NOTCH4: variants seen among roughly 807,000 people sequenced by gnomAD.
NOTCH4 encodes the protein notch receptor 4.
In NOTCH4, 138 loss-of-function variants were observed where a neutral mutation model predicts 189.0. The observed-to-expected ratio is 0.73, with a 90% confidence interval of 0.64 to 0.84. The LOEUF is 0.84. Among genes scored for constraint, NOTCH4 ranks in the 40% least tolerant of loss-of-function variants. NOTCH4 has a pLI of 0.00. For missense variants in NOTCH4, 2,286 were observed against 2,605.4 expected (o/e 0.88, Z 2.67); for synonymous variants, 942 against 1,032.8 (o/e 0.91, Z 1.69).
rs1334151648 is a variant in NOTCH4, at chr6:32,201,112, C to A, written c.4139+5G>T. 6.2e-7 allele frequency: 1 copy of A among 1,603,770 alleles called. No homozygotes were observed. The highest frequency in any genetic ancestry group is 2.2e-5 in the East Asian group (1 of 44,846). On this transcript the variant is annotated splice_donor_5th_base_variant and intron_variant, in intron 22 of 29. Coordinates refer to ENST00000375023, the MANE Select transcript of NOTCH4 (RefSeq NM_004557.4). This position sits in a 1 kb window ranked among gnomAD's most constrained non-coding sequence, Gnocchi z 5.5. The stretch of plus-strand genomic sequence containing the variant: ...TCTGGCCCTTCCCTCCACCTAGCTT[C>A]TTACCCAGCACTGAGGGAGTCGGTC...
rs370691261 is a variant in NOTCH4 at position 32,203,920 on chromosome 6, T to A, written c.3119-38A>T. On this transcript the variant is annotated intron_variant, in intron 19 of 29. Coordinates refer to ENST00000375023, the MANE Select transcript of NOTCH4 (RefSeq NM_004557.4). ...GGGAGATTAGATGTCACACACTGCA[T>A]CAGTCACTGCCTCCATCCTAGCTCA... 45 of 1,517,516 alleles carry A rather than the reference T, an allele frequency of 3.0e-5. No individual in the cohort carries two copies. In the African/African-American group the frequency reaches 5.9e-4, roughly 20 times the overall value. The allele number at this position is 1,517,516 out of a possible 1,614,324, so 94.0% of individuals were successfully genotyped here. A position where few individuals can be genotyped will look rare whatever the true frequency, so the allele number is the denominator to read the frequency against.
intron 17 of NOTCH4, among the ~76,000 whole-genome samples, chr6:32,211,661 G>A (rs3132956): frequency 0.11 from 16,027 of 151,970 alleles, 965 homozygotes; most frequent in Non-Finnish European, 0.13. Context: ...TGAGGAGGAG[G>A]AAGGGTGTAT....
Position 32,204,253 on chromosome 6 carries a change from A to G in NOTCH4, c.3002T>C (p.Leu1001Pro), listed in dbSNP as rs1788537675. 1 of 1,613,062 alleles carries G rather than the reference A, an allele frequency of 6.2e-7. No homozygotes were observed. The highest frequency in any genetic ancestry group is 8.5e-7 in the Non-Finnish European group (1 of 1,180,028). Residue 1001 changes from leucine to proline, a missense_variant, in exon 19 of 30, where the codon CTA (leucine) becomes CCA (proline). Leu to Pro is a moderately conservative substitution (Grantham distance 98). This residue lies in a region of NOTCH4 where 1,903 missense variants were observed against 2,261.9 expected (regional missense o/e 0.84). Coordinates refer to ENST00000375023, the MANE Select transcript of NOTCH4 (RefSeq NM_004557.4). ...CTCGTCCACGTCTCCCTCACAGCGTAGCCCCACAAAGCCTGGAGGGCAGGC... is the reference window on the plus strand; with the variant it reads ...CTCGTCCACGTCTCCCTCACAGCGTGGCCCCACAAAGCCTGGAGGGCAGGC... ...HCACPPGFVG[L>P]RCEGDVDECL...
Position 32,212,388 on chromosome 6 carries a change from G to T in NOTCH4, c.2680+86C>A. ...TCTCAGATGGTTGTTTTGGCCAAAA[G>T]CTGTGTGGAAGCCCACAGGAACGGG... On this transcript the variant is annotated intron_variant, in intron 17 of 29. Transcript: ENST00000375023. This position sits in a 1 kb window ranked among gnomAD's most constrained non-coding sequence, Gnocchi z 4.4. 1 of 1,357,916 alleles carries T rather than the reference G, an allele frequency of 7.4e-7. No homozygotes were observed. The highest frequency in any genetic ancestry group is 1.0e-6 in the Non-Finnish European group (1 of 991,512). 84.1% of individuals were successfully genotyped at this position (1,357,916 alleles called of 1,614,324 possible). A position where few individuals can be genotyped will look rare whatever the true frequency, so the allele number is the denominator to read the frequency against.
chr6:32,222,594 G>C lies in NOTCH4; in HGVS notation c.368C>G (p.Pro123Arg). ...GCCCCTTTTGGAACAGAAGGAGGGA[G>C]GACAAGGGTCTTCAAGCTTGGCCTG... ...RCQAKLEDPC[P>R]PSFCSKRGRC... The change falls in exon 3 of 30, where the codon CCT (proline) becomes CGT (arginine). Residue 123 changes from proline to arginine, a missense_variant. This residue lies in a region of NOTCH4 where 1,903 missense variants were observed against 2,261.9 expected (regional missense o/e 0.84). Coordinates refer to ENST00000375023, the MANE Select transcript of NOTCH4 (RefSeq NM_004557.4). The C allele has an allele frequency of 6.2e-7, 1 of 1,601,384 alleles. No homozygotes were observed. The highest frequency in any genetic ancestry group is 8.5e-7 in the Non-Finnish European group (1 of 1,176,024).
At chr6:32,215,523 C>T in intron 11 of NOTCH4, 138 bp from the exon 12 acceptor site, 1 of 755,752 alleles carries the variant, frequency 1.3e-6, no homozygotes, top group East Asian at 2.7e-5. Flanking sequence ...ACCTGTCCTT[C>T]AATGGGTCCC....
At chr6:32,209,123 A>G (rs1489510976) in intron 18 of NOTCH4, among the ~76,000 whole-genome samples, 1 of 152,252 alleles carries the variant, frequency 6.6e-6, no homozygotes, top group East Asian at 1.9e-4. Flanking sequence ...ACTGAAGGAC[A>G]TTATGTTAAG....
In NOTCH4 at chr6:32,223,091, G is replaced by A. The variant is rs775822560; in HGVS notation, c.74-5C>T. On this transcript the variant is annotated splice_region_variant and splice_polypyrimidine_tract_variant and intron_variant, in intron 1 of 29. Transcript: ENST00000375023. ...GGAAACTCCCACACAGCAGCCCTGA[G>A]GGTGGAGAGGCAGGCGCAATGGAAG... The A allele has an allele frequency of 1.9e-6, 3 of 1,612,928 alleles. No individual in the cohort carries two copies. Among genetic ancestry groups the A allele is most frequent in the Middle Eastern group, 1.7e-4 (1 of 6,058 alleles).
Position 32,195,847 on chromosome 6 carries a change from C to CTCCGGCTGACAGCG in NOTCH4, c.5588_5601dup (p.Ala1868ArgfsTer22). 1 of 1,597,282 alleles carries CTCCGGCTGACAGCG rather than the reference C, an allele frequency of 6.3e-7. No individual in the cohort carries two copies. Among genetic ancestry groups the CTCCGGCTGACAGCG allele is most frequent in the Non-Finnish European group, 8.5e-7 (1 of 1,178,420 alleles). On this transcript the variant is annotated frameshift_variant, in exon 30 of 30. Coordinates refer to ENST00000375023, the MANE Select transcript of NOTCH4 (RefSeq NM_004557.4). LOFTEE classifies it low-confidence loss of function (END_TRUNC). This position sits in a 1 kb window ranked among gnomAD's most constrained non-coding sequence, Gnocchi z 5.4. ...CAAGCTCCGCCCCCACGAGGGCCTG[C>CTCCGGCTGACAGCG]TCCGGCTGACAGCGTCCGGCAGCGC...
chr6:32,217,242 T>A lies in NOTCH4; in HGVS notation c.1649A>T (p.Glu550Val), dbSNP rs775027875. The change falls in exon 10 of 30, where the codon GAG becomes GTG. Residue 550 changes from glutamate (E) to valine (V), a missense_variant. Coordinates refer to ENST00000375023, the MANE Select transcript of NOTCH4 (RefSeq NM_004557.4). The surrounding 1 kb of genome is among the most constrained non-coding windows in gnomAD (Gnocchi z 4.2). ...AGAGCTTCTGCACTCATCGATATCC[T>A]CCTCACATCGGGTGCCGGAGAATCC... ...LPGFSGTRCEEDIDECRSSPC... is the reference protein window; with the variant it reads ...LPGFSGTRCEVDIDECRSSPC... 6 of 1,612,796 alleles carry A rather than the reference T, an allele frequency of 3.7e-6. No individual in the cohort carries two copies. In the South Asian group the frequency reaches 6.6e-5, roughly 18 times the overall value.
Position 32,201,306 on chromosome 6 carries a change from C to T in NOTCH4, c.3950G>A (p.Arg1317Gln), listed in dbSNP as rs1056526093. The change falls in exon 22 of 30, where the codon CGG becomes CAG. Residue 1317 changes from arginine (R) to glutamine (Q), a missense_variant. This residue lies in a region of NOTCH4 where 1,903 missense variants were observed against 2,261.9 expected (regional missense o/e 0.84). Coordinates refer to ENST00000375023, the MANE Select transcript of NOTCH4 (RefSeq NM_004557.4). This position sits in a 1 kb window ranked among gnomAD's most constrained non-coding sequence, Gnocchi z 5.5. Reference protein sequence around the residue: ...ALDQQLFALARVLSLTLRVGL... With the variant: ...ALDQQLFALAQVLSLTLRVGL... ...TACCCTCAGAGTCAGGGACAGCACC[C>T]GGGCCAGGGCAAACAGCTGCTGGTC... The T allele has an allele frequency of 7.4e-6, 12 of 1,612,764 alleles. No homozygotes were observed. The highest frequency in any genetic ancestry group is 2.2e-5 in the South Asian group (2 of 91,070).
In NOTCH4 at chr6:32,214,133, C is replaced by T. The variant is rs1180336780; in HGVS notation, c.2144G>A (p.Cys715Tyr). 2 of 1,613,126 alleles carry T rather than the reference C, an allele frequency of 1.2e-6. No homozygotes were observed. The highest frequency in any genetic ancestry group is 1.7e-6 in the Non-Finnish European group (2 of 1,179,606). The change falls in exon 13 of 30, where the codon TGC (cysteine) becomes TAC (tyrosine). Residue 715 changes from cysteine (C) to tyrosine (Y), a missense_variant. Physicochemically the swap from Cys to Tyr is radical, Grantham distance 194. Around this residue, in one of 2 missense-constraint regions of NOTCH4, gnomAD observed 1,903 missense variants for 2,261.9 expected, o/e 0.84. Coordinates refer to ENST00000375023, the MANE Select transcript of NOTCH4 (RefSeq NM_004557.4). Reference protein sequence around the residue: ...TCYPQPSGYNCTCPTGYTGPT... With the variant: ...TCYPQPSGYNYTCPTGYTGPT... ...ACCTGTGTAGCCTGTAGGGCAGGTG[C>T]AGTTGTAGCCAGAGGGCTGGGGGTA... is the stretch of plus-strand genomic sequence containing the variant.
chr6:32,199,974 C>T lies in NOTCH4; in HGVS notation c.4316-829G>A, dbSNP rs971945665. Among the ~76,000 whole-genome samples the T allele has an allele frequency of 2.6e-5, 4 of 152,148 alleles. No individual in the cohort carries two copies. Among genetic ancestry groups the T allele is most frequent in the Non-Finnish European group, 5.9e-5 (4 of 68,034 alleles). Reference sequence around the variant, plus strand: ...TGAAACTTTTAGAGTACCAACATAACGCTCAAAGGAAATGCTCATTGTAGC... The same window carrying T: ...TGAAACTTTTAGAGTACCAACATAATGCTCAAAGGAAATGCTCATTGTAGC... On this transcript the variant is annotated intron_variant, in intron 23 of 29. Transcript: ENST00000375023. The surrounding 1 kb of genome is among the most constrained non-coding windows in gnomAD (Gnocchi z 4.9).
In NOTCH4 at chr6:32,198,732, T is replaced by C; in HGVS notation, c.4536-2A>G. On this transcript the variant is annotated splice_acceptor_variant, in intron 24 of 29. Transcript: ENST00000375023. LOFTEE classifies it high-confidence loss of function. This position sits in a 1 kb window ranked among gnomAD's most constrained non-coding sequence, Gnocchi z 5.5. ...ACTTCTGCCTTTGGCTTCAGTGCCC[T>C]GGAAAGGAATGGGTGGGTAGAGGTT... The C allele has an allele frequency of 6.2e-7, 1 of 1,608,508 alleles. No individual in the cohort carries two copies. Among genetic ancestry groups the C allele is most frequent in the Non-Finnish European group, 8.5e-7 (1 of 1,177,842 alleles).
chr6:32,219,084 T>TC (rs1038596635), intron 8 of NOTCH4, among the ~76,000 whole-genome samples: 3 of 152,296 alleles, frequency 2.0e-5, no homozygotes, highest in East Asian at 3.9e-4. Flanking sequence ...GGGCGACTTT[T>TC]CCCCCTTAAA....
At position 32,224,045 on chromosome 6, in the gene NOTCH4, G is replaced by A. The variant is rs8192564; in HGVS notation, c.-117C>T. The A allele has an allele frequency of 0.078, 84,102 of 1,073,968 alleles. 4,475 individuals carry two copies. The highest frequency in any genetic ancestry group is 0.19 in the Middle Eastern group (643 of 3,328). 66.5% of individuals were successfully genotyped at this position (1,073,968 alleles called of 1,614,324 possible). A position where few individuals can be genotyped will look rare whatever the true frequency, so the allele number is the denominator to read the frequency against. On this transcript the variant is annotated 5_prime_UTR_variant, in exon 1 of 30. Coordinates refer to ENST00000375023, the MANE Select transcript of NOTCH4 (RefSeq NM_004557.4). ...CCCACTGCCCCTCTTCTTCCTCCTC[G>A]GCCTGCTGCAAGCCTCACGTCTGAG... is the stretch of plus-strand genomic sequence containing the variant.
chr6:32,213,551 A>C, intron 14 of NOTCH4, 137 bp downstream of exon 14: 1 of 1,098,170 alleles, frequency 9.1e-7, no homozygotes, highest in Non-Finnish European at 1.3e-6. Context: ...GTGCCCAGCT[A>C]ATTTAGAGAT....
Position 32,212,729 on chromosome 6 carries a change from A to G in NOTCH4, c.2526+95T>C. ...GCTCCTCGAAATCCCTTACTTCAAA[A>G]ACCTTCTCCTGAATGGCCTGGGACC... On this transcript the variant is annotated intron_variant, in intron 16 of 29. Transcript: ENST00000375023. The surrounding 1 kb of genome is among the most constrained non-coding windows in gnomAD (Gnocchi z 4.4). The G allele has an allele frequency of 6.7e-7, 1 of 1,489,994 alleles. No individual in the cohort carries two copies. The highest frequency in any genetic ancestry group is 9.0e-7 in the Non-Finnish European group (1 of 1,107,992). The allele number at this position is 1,489,994 out of a possible 1,614,324, so 92.3% of individuals were successfully genotyped here.
intron 18 of NOTCH4, among the ~76,000 whole-genome samples, chr6:32,209,436 T>C (rs1175600387): frequency 6.6e-6 from 1 of 152,192 alleles, no homozygotes; most frequent in Non-Finnish European, 1.5e-5. Flanking sequence ...TAGTGTTAGA[T>C]AGCAGAGAAG....
Sources: allele counts gnomAD v4.1 joint callset (sites outside exome capture counted in the v4.1 genomes callset), GRCh38; gene constraint gnomAD v4.1.1; regional missense constraint gnomAD v4.1.1; non-coding constraint Gnocchi (gnomAD v3.1); transcripts MANE v1.5; gene names NCBI Gene and HGNC (gene_info 2026-07-23, HGNC 2026-07-21).